SLC26A2: variants seen among roughly 807,000 people sequenced by gnomAD.
SLC26A2 encodes solute carrier family 26 member 2.
SLC26A2 carries 36 observed loss-of-function variants against 41.1 expected under a neutral mutation model. The ratio of observed to expected loss-of-function variants is 0.88; its 90% CI spans 0.67 to 1.16. The LOEUF is 1.16. Ranked by LOEUF, SLC26A2 falls within the 50% of genes most tolerant of loss-of-function variation. The pLI is 0.00. For synonymous variants in SLC26A2, 291 were observed against 311.6 expected, an observed-to-expected ratio of 0.93 and a Z score of 0.70; for missense variants, 796 against 869.6, an observed-to-expected ratio of 0.92 and a Z score of 1.07.
rs529744947 is a variant in SLC26A2, at chr5:149,982,017, C to A, written c.*204C>A. ...GGACAGAGTCAAAAAGAAGAAAATA[C>A]GGTTTCAGGCTTTCTTGCAGATATG... On this transcript the variant is annotated 3_prime_UTR_variant, in exon 3 of 3. Transcript: ENST00000286298. The A allele has an allele frequency of 1.3e-4, 74 of 571,736 alleles. No individual in the cohort carries two copies. The South Asian group carries it at 1.6e-3, about 12-fold the overall frequency. 35.4% of individuals were successfully genotyped at this position (571,736 alleles called of 1,614,324 possible). A position where few individuals can be genotyped will look rare whatever the true frequency, so the allele number is the denominator to read the frequency against.
chr5:149,963,090 T>A (rs988944462), intron 1 of SLC26A2, among the ~76,000 whole-genome samples: 12 of 110,700 alleles, frequency 1.1e-4, no homozygotes, highest in African/African-American at 3.5e-4. Context: ...CTATATTTAT[T>A]TATTTATTTA....
chr5:149,964,197 T>C (rs888876739), intron 1 of SLC26A2, among the ~76,000 whole-genome samples: 1 of 152,144 alleles, frequency 6.6e-6, no homozygotes, highest in Non-Finnish European at 1.5e-5. Context: ...GCTTTAAAAA[T>C]GTAGGTTCAG....
chr5:149,979,996 A>G lies in SLC26A2; in HGVS notation c.700-297A>G, dbSNP rs1755063888. Among the ~76,000 whole-genome samples the G allele has an allele frequency of 3.9e-5, 6 of 152,136 alleles. No homozygotes were observed. In the South Asian group the frequency reaches 1.2e-3, roughly 32 times the overall value. The stretch of plus-strand genomic sequence containing the variant: ...TTCTTTGTGATGGGAAGAATGAAAA[A>G]AAAAAGAGGTATGAACCTTATTCAA... On this transcript the variant is annotated intron_variant, in intron 2 of 2. Transcript: ENST00000286298.
At chr5:149,979,597 T>C (rs1755057335) in intron 2 of SLC26A2, among the ~76,000 whole-genome samples, 1 of 152,094 alleles carries the variant, frequency 6.6e-6, no homozygotes, top group Non-Finnish European at 1.5e-5. Context: ...GGCATAACAA[T>C]TCTGAAAACT....
intron 1 of SLC26A2, among the ~76,000 whole-genome samples, chr5:149,965,831 C>T (rs190498322): frequency 7.9e-5 from 12 of 152,260 alleles, no homozygotes; most frequent in African/African-American, 2.6e-4. Context: ...GGTTAGGAGT[C>T]AGGATACTTG....
chr5:149,963,439 C>T (rs371499885), intron 1 of SLC26A2, among the ~76,000 whole-genome samples: 6 of 152,124 alleles, frequency 3.9e-5, no homozygotes, highest in Middle Eastern at 3.4e-3. Context: ...CCACCACGTC[C>T]GGCTAATCTT....
At chr5:149,965,772 T>C (rs1754795798) in intron 1 of SLC26A2, among the ~76,000 whole-genome samples, 1 of 152,166 alleles carries the variant, frequency 6.6e-6, no homozygotes, top group African/African-American at 2.4e-5. Context: ...AATTATCTGA[T>C]GTATATACAC....
At chr5:149,964,834 A>G (rs759835140) in intron 1 of SLC26A2, among the ~76,000 whole-genome samples, 1 of 152,196 alleles carries the variant, frequency 6.6e-6, no homozygotes, top group Non-Finnish European at 1.5e-5. Context: ...CTGAGTGACC[A>G]TTATACAGGA....
At chr5:149,974,023 C>T (rs906390066) in intron 1 of SLC26A2, among the ~76,000 whole-genome samples, 1 of 152,158 alleles carries the variant, frequency 6.6e-6, no homozygotes, top group Non-Finnish European at 1.5e-5. Flanking sequence ...GTCGTGCACA[C>T]CTGTAATCCT....
At position 149,982,286 on chromosome 5, in the gene SLC26A2, A is replaced by T. The variant is rs1755122561; in HGVS notation, c.*473A>T. The T allele has an allele frequency of 6.5e-6, 1 of 154,974 alleles. No individual in the cohort carries two copies. The highest frequency in any genetic ancestry group is 2.4e-5 in the African/African-American group (1 of 41,464). 9.6% of individuals were successfully genotyped at this position (154,974 alleles called of 1,614,324 possible). On this transcript the variant is annotated 3_prime_UTR_variant, in exon 3 of 3. Coordinates refer to ENST00000286298, the MANE Select transcript of SLC26A2 (RefSeq NM_000112.4). ...CAAGAGGCTTCTGGATCACAAAGTC[A>T]TAACTAGACAGGTTTGTTCTTGTAG...
rs1326690572 is a variant in SLC26A2, at chr5:149,984,614, T to C, written c.*2801T>C. 6.6e-6 allele frequency: 1 copy of C among 152,264 alleles called. No homozygotes were observed. Among genetic ancestry groups the C allele is most frequent in the Non-Finnish European group, 1.5e-5 (1 of 68,090 alleles). 9.4% of individuals were successfully genotyped at this position (152,264 alleles called of 1,614,324 possible). ...AGGCGGAGGTTGCAGTAAGCAGAGA[T>C]TGTGCCACTGGACTCCAGCCTGGGT... On this transcript the variant is annotated 3_prime_UTR_variant, in exon 3 of 3. Transcript: ENST00000286298.
chr5:149,967,913 C>G (rs1279791271), intron 1 of SLC26A2, among the ~76,000 whole-genome samples: 1 of 151,962 alleles, frequency 6.6e-6, no homozygotes, highest in Non-Finnish European at 1.5e-5. Context: ...CCCTGCCTGG[C>G]CCATTTTGCC....
intron 1 of SLC26A2, among the ~76,000 whole-genome samples, chr5:149,968,472 G>A (rs985206065): frequency 5.3e-5 from 8 of 151,772 alleles, no homozygotes; most frequent in Admixed American, 6.6e-5. Context: ...GTGCAGTGGC[G>A]CAATCTTGGC....
chr5:149,964,878 C>T (rs962959397), intron 1 of SLC26A2, among the ~76,000 whole-genome samples: 1 of 152,108 alleles, frequency 6.6e-6, no homozygotes, highest in African/African-American at 2.4e-5. Flanking sequence ...TTCTGCAAGT[C>T]CACAGTTATT....
At chr5:149,964,633 C>T (rs1243237392) in intron 1 of SLC26A2, among the ~76,000 whole-genome samples, 17 of 151,750 alleles carry the variant, frequency 1.1e-4, no homozygotes, top group Admixed American at 1.0e-3. Flanking sequence ...AAAAATTAGC[C>T]AGGTGTGGTG....
intron 1 of SLC26A2, among the ~76,000 whole-genome samples, chr5:149,961,657 G>C (rs1581223930): frequency 6.6e-6 from 1 of 152,182 alleles, no homozygotes; most frequent in African/African-American, 2.4e-5. Flanking sequence ...GAAACATTCA[G>C]AACTTAAATT....
At chr5:149,965,042 A>G (rs568999854) in intron 1 of SLC26A2, among the ~76,000 whole-genome samples, 1 of 152,330 alleles carries the variant, frequency 6.6e-6, no homozygotes, top group African/African-American at 2.4e-5. Flanking sequence ...TAAAATTGCT[A>G]AATAGGTGAA....
chr5:149,975,252 A>G (rs1754973637), intron 1 of SLC26A2, among the ~76,000 whole-genome samples: 1 of 152,128 alleles, frequency 6.6e-6, no homozygotes, highest in Non-Finnish European at 1.5e-5. Flanking sequence ...AGGTCTAGTA[A>G]TGATCCTATC....
At chr5:149,964,922 A>G (rs546581264) in intron 1 of SLC26A2, among the ~76,000 whole-genome samples, 19 of 152,344 alleles carry the variant, frequency 1.2e-4, no homozygotes, top group Admixed American at 9.8e-4. Flanking sequence ...TGTAGGTTCA[A>G]TAAAGTGTTT....
Sources: allele counts gnomAD v4.1 joint callset (sites outside exome capture counted in the v4.1 genomes callset), GRCh38; gene constraint gnomAD v4.1.1; transcripts MANE v1.5; gene names NCBI Gene and HGNC (gene_info 2026-07-23, HGNC 2026-07-21).